The following AOPEP variants were observed in gnomAD, a reference collection of about 807,000 sequenced individuals.
AOPEP encodes aminopeptidase O (putative), also known as aminopeptidase O.
AOPEP carries 77 observed loss-of-function variants against 98.1 expected under a neutral mutation model. The ratio of observed to expected loss-of-function variants is 0.78; its 90% CI spans 0.65 to 0.95. The LOEUF (loss-of-function observed/expected upper bound fraction) is 0.95, where lower values mean the gene tolerates loss of function less well. AOPEP is among the 40% of genes least tolerant of loss of function. The pLI is 0.00. For missense variants in AOPEP, 1,024 were observed against 1,024.7 expected (o/e 1.00, Z 0.01); for synonymous variants, 346 against 365.3 (o/e 0.95, Z 0.60).
chr9:95,061,040 A>G (rs2067275464), intron 14 of AOPEP: 1 of 422,534 alleles, frequency 2.4e-6, no homozygotes, highest in East Asian at 4.2e-5. Context: ...AAAGATGGAC[A>G]TAAGTCTCCT....
At chr9:94,832,084 T>C (rs1489052781) in intron 5 of AOPEP, among the ~76,000 whole-genome samples, 2 of 152,048 alleles carry the variant, frequency 1.3e-5, no homozygotes, top group African/African-American at 4.8e-5. Flanking sequence ...CCAGAACCAA[T>C]AGAAGGAAAG....
intron 5 of AOPEP, among the ~76,000 whole-genome samples, chr9:94,839,370 T>C (rs2042022919): frequency 2.0e-5 from 3 of 152,068 alleles, no homozygotes; most frequent in Admixed American, 2.0e-4. Context: ...ATTATAGGCG[T>C]GAGCCAACCC....
At chr9:94,893,321 G>A (rs1325772026) in intron 5 of AOPEP, among the ~76,000 whole-genome samples, 1 of 152,150 alleles carries the variant, frequency 6.6e-6, no homozygotes, top group Non-Finnish European at 1.5e-5. Flanking sequence ...AAATAGCCAG[G>A]TAGCAGTGTA....
chr9:95,003,101 A>G (rs2061668596), intron 11 of AOPEP, among the ~76,000 whole-genome samples: 1 of 151,420 alleles, frequency 6.6e-6, no homozygotes, highest in African/African-American at 2.5e-5. Flanking sequence ...CTCAGTTTCT[A>G]AGATCTTTCC....
the AOPEP span, among the ~76,000 whole-genome samples, chr9:95,116,032 GGTTCTTGTACTTCTGCCCGA>G: frequency 6.6e-6 from 1 of 152,234 alleles, no homozygotes; most frequent in East Asian, 1.9e-4. Context: ...TAGCACAAGA[GGTTCTTGTACTTCTGCCCGA>G]AGCCACCTAT....
In AOPEP at chr9:94,822,204, G is replaced by T. The variant is rs1286056193; in HGVS notation, c.1364+21202G>T. On this transcript the variant is annotated intron_variant, in intron 5 of 16. Transcript: ENST00000375315. ...CTGGTCATTTGTGTCACACACTCTA[G>T]CCCCTTTGCAGGGCCCTTTGACCCC... is the stretch of plus-strand genomic sequence containing the variant. 2.6e-5 allele frequency among the ~76,000 whole-genome samples: 4 copies of T among 152,168 alleles called. No homozygotes were observed. In the East Asian group the frequency reaches 5.8e-4, roughly 22 times the overall value.
chr9:95,011,254 T>C (rs1216428755), intron 13 of AOPEP, among the ~76,000 whole-genome samples: 1 of 145,450 alleles, frequency 6.9e-6, no homozygotes, highest in Admixed American at 7.0e-5. Context: ...TCTCACTCTG[T>C]CCCCCAGGCT....
At chr9:95,101,254 T>C in the AOPEP span, 1 of 293,802 alleles carries the variant, frequency 3.4e-6, no homozygotes, top group East Asian at 4.9e-5. Context: ...TGTGGCTTTA[T>C]CCCAGATCCC....
chr9:94,892,759 C>T (rs2049016641), intron 5 of AOPEP, among the ~76,000 whole-genome samples: 1 of 152,110 alleles, frequency 6.6e-6, no homozygotes, highest in Non-Finnish European at 1.5e-5. Flanking sequence ...TGTCACTGAG[C>T]CTGGAGTGTA....
intron 13 of AOPEP, among the ~76,000 whole-genome samples, chr9:95,011,507 A>AT (rs941368918): frequency 6.6e-6 from 1 of 151,948 alleles, no homozygotes; most frequent in African/African-American, 2.4e-5. Context: ...CAGCTGATGT[A>AT]TTTTTTTAAG....
chr9:94,879,956 C>T (rs894967300), intron 5 of AOPEP, among the ~76,000 whole-genome samples: 26 of 152,146 alleles, frequency 1.7e-4, no homozygotes, highest in African/African-American at 6.0e-4. Context: ...GTTGTCAGGC[C>T]CTTTGTGAAT....
At chr9:95,036,899 C>T (rs755840925) in intron 13 of AOPEP, among the ~76,000 whole-genome samples, 1 of 152,100 alleles carries the variant, frequency 6.6e-6, no homozygotes, top group Non-Finnish European at 1.5e-5. Flanking sequence ...GTCTGCAGCC[C>T]GTGTGCCATC....
intron 5 of AOPEP, among the ~76,000 whole-genome samples, chr9:94,813,571 C>G (rs1379466052): frequency 6.6e-6 from 1 of 152,242 alleles, no homozygotes; most frequent in Non-Finnish European, 1.5e-5. Flanking sequence ...AGAGACCTCT[C>G]TGCTCTGCCC....
chr9:94,842,311 G>A (rs143687943), intron 5 of AOPEP, among the ~76,000 whole-genome samples: 3 of 152,090 alleles, frequency 2.0e-5, no homozygotes, highest in East Asian at 3.9e-4. Flanking sequence ...GCAGTGAGCC[G>A]AGATTGTGCC....
intron 11 of AOPEP, among the ~76,000 whole-genome samples, chr9:94,998,368 G>A (rs1332722264): frequency 6.6e-6 from 1 of 152,018 alleles, no homozygotes; most frequent in African/African-American, 2.4e-5. Flanking sequence ...GTCTGTATAT[G>A]GAAGCACTTT....
intron 5 of AOPEP, among the ~76,000 whole-genome samples, chr9:94,899,477 C>T (rs928423508): frequency 2.6e-5 from 4 of 151,346 alleles, no homozygotes; most frequent in Admixed American, 6.6e-5. Flanking sequence ...AGGCCAGGCA[C>T]GGTGGCTCAC....
chr9:94,912,488 T>G (rs546005476), intron 5 of AOPEP, among the ~76,000 whole-genome samples: 1 of 152,148 alleles, frequency 6.6e-6, no homozygotes, highest in Non-Finnish European at 1.5e-5. Flanking sequence ...CCTAAAGTAT[T>G]TGCGTTCTAA....
At chr9:94,753,845 C>T (rs938327579) in intron 1 of AOPEP, among the ~76,000 whole-genome samples, 2 of 152,206 alleles carry the variant, frequency 1.3e-5, no homozygotes, top group African/African-American at 4.8e-5. Flanking sequence ...TTCTAGACAT[C>T]TCGTGTTTTC....
chr9:94,843,803 A>G (rs1447901484), intron 5 of AOPEP, among the ~76,000 whole-genome samples: 1 of 152,240 alleles, frequency 6.6e-6, no homozygotes, highest in East Asian at 1.9e-4. Flanking sequence ...AATCCAAACT[A>G]TAGTATTTGC....
Sources: allele counts gnomAD v4.1 joint callset (sites outside exome capture counted in the v4.1 genomes callset), GRCh38; gene constraint gnomAD v4.1.1; transcripts MANE v1.5; gene names NCBI Gene and HGNC (gene_info 2026-07-23, HGNC 2026-07-21).